The following MCTP1 variants were observed in gnomAD, a reference collection of about 807,000 sequenced individuals.
The protein encoded by MCTP1 is multiple C2 and transmembrane domain containing 1, also known as multiple C2 and transmembrane domain-containing protein 1.
MCTP1 carries 69 observed loss-of-function variants against 120.6 expected under a neutral mutation model. The observed-to-expected ratio is 0.57, with a 90% CI of 0.47 to 0.70. The LOEUF is 0.70. MCTP1 is among the 30% of genes least tolerant of loss of function. MCTP1 has a pLI of 0.00. For missense variants in MCTP1, 1,203 were observed against 1,248.8 expected (o/e 0.96, Z 0.55); for synonymous variants, 529 against 493.1 (o/e 1.07, Z -0.96).
intron 19 of MCTP1, among the ~76,000 whole-genome samples, chr5:94,767,226 T>C (rs969287526): frequency 6.6e-6 from 1 of 152,138 alleles, no homozygotes; most frequent in African/African-American, 2.4e-5. Flanking sequence ...ATCTCTTTAT[T>C]ATACAAACTC....
intron 1 of MCTP1, among the ~76,000 whole-genome samples, chr5:95,033,650 C>T (rs1344287388): frequency 6.6e-6 from 1 of 152,020 alleles, no homozygotes. Flanking sequence ...AGAAGCATTT[C>T]CCCTACAAAC....
chr5:95,237,198 G>C (rs1258755647), intron 1 of MCTP1, among the ~76,000 whole-genome samples: 1 of 152,110 alleles, frequency 6.6e-6, no homozygotes, highest in African/African-American at 2.4e-5. Context: ...CCATGGCATA[G>C]ACAGTCTGGA....
At chr5:94,808,646 G>T (rs535348446) in intron 17 of MCTP1, among the ~76,000 whole-genome samples, 1 of 152,154 alleles carries the variant, frequency 6.6e-6, no homozygotes, top group Admixed American at 6.5e-5. Context: ...TGTTTCTTAT[G>T]TGTAGAGGAA....
rs538218630 is a variant in MCTP1 at position 94,874,003 on chromosome 5, T to G, written c.1934-762A>C. Among the ~76,000 whole-genome samples the G allele has an allele frequency of 3.9e-5, 6 of 152,162 alleles. No homozygotes were observed. The South Asian group carries it at 1.2e-3, about 31-fold the overall frequency. On this transcript the variant is annotated intron_variant, in intron 12 of 22. Transcript: ENST00000515393. ...ACATTTTGTGAAGTCCTTAATATTT[T>G]TGTAATGTTATGCCCTGTATTATAA...
intron 18 of MCTP1, among the ~76,000 whole-genome samples, chr5:94,796,400 A>C (rs956053537): frequency 6.6e-6 from 1 of 151,782 alleles, no homozygotes; most frequent in Non-Finnish European, 1.5e-5. Context: ...GATCCTGTAA[A>C]GTTTTCACAC....
chr5:95,257,142 C>G (rs901097890), intron 1 of MCTP1, among the ~76,000 whole-genome samples: 1 of 152,072 alleles, frequency 6.6e-6, no homozygotes, highest in Non-Finnish European at 1.5e-5. Context: ...GGACATTTAA[C>G]AATATTGTGG....
chr5:94,866,743 T>C (rs1373407460), intron 17 of MCTP1, among the ~76,000 whole-genome samples: 1 of 150,822 alleles, frequency 6.6e-6, no homozygotes, highest in African/African-American at 2.5e-5. Flanking sequence ...TTCCAGTGCC[T>C]GAGTTTTTTT....
chr5:94,899,509 T>A (rs1464430921), intron 10 of MCTP1, among the ~76,000 whole-genome samples: 1 of 152,236 alleles, frequency 6.6e-6, no homozygotes, highest in Admixed American at 6.5e-5. Flanking sequence ...CTTTTGAGTT[T>A]CTGGCTTCTA....
chr5:95,041,671 T>C (rs1218703545), intron 1 of MCTP1, among the ~76,000 whole-genome samples: 1 of 152,174 alleles, frequency 6.6e-6, no homozygotes, highest in Non-Finnish European at 1.5e-5. Flanking sequence ...GTTCAACATA[T>C]ATAAAACTCT....
At chr5:94,967,562 A>G (rs919620014) in intron 2 of MCTP1, among the ~76,000 whole-genome samples, 2 of 152,202 alleles carry the variant, frequency 1.3e-5, no homozygotes, top group African/African-American at 4.8e-5. Context: ...CAATGGCTTG[A>G]AGAAGTAAAA....
intron 18 of MCTP1, among the ~76,000 whole-genome samples, chr5:94,796,354 T>C (rs1484419451): frequency 6.6e-6 from 1 of 151,880 alleles, no homozygotes; most frequent in Non-Finnish European, 1.5e-5. Context: ...TTTCCTGGTT[T>C]GGAATCAGCC....
At chr5:94,712,243 A>AAT (rs907535631) in intron 20 of MCTP1, among the ~76,000 whole-genome samples, 5 of 152,130 alleles carry the variant, frequency 3.3e-5, no homozygotes, top group African/African-American at 1.2e-4. Context: ...TGTTTATGTG[A>AAT]ATCAAGATGA....
chr5:94,725,328 T>C (rs1353959727), intron 19 of MCTP1, among the ~76,000 whole-genome samples: 1 of 152,204 alleles, frequency 6.6e-6, no homozygotes, highest in Admixed American at 6.5e-5. Flanking sequence ...TATTTGAGAA[T>C]AGTTGGTGGG....
At chr5:94,719,943 G>A (rs1561525025) in intron 19 of MCTP1, among the ~76,000 whole-genome samples, 1 of 151,932 alleles carries the variant, frequency 6.6e-6, no homozygotes, top group Non-Finnish European at 1.5e-5. Context: ...CAGCCTCAAC[G>A]TGGAGAAACC....
intron 5 of MCTP1, among the ~76,000 whole-genome samples, chr5:94,935,930 T>C: frequency 6.6e-6 from 1 of 152,100 alleles, no homozygotes; most frequent in East Asian, 1.9e-4. Flanking sequence ...ATGCTATGTT[T>C]TTTAGATATC....
At chr5:94,993,429 C>CT (rs751939052) in intron 2 of MCTP1, among the ~76,000 whole-genome samples, 14 of 152,244 alleles carry the variant, frequency 9.2e-5, no homozygotes, top group Non-Finnish European at 1.8e-4. Context: ...GATAATGTCT[C>CT]TTTTTTTCCC....
chr5:94,935,601 A>G (rs1234439851), intron 5 of MCTP1, among the ~76,000 whole-genome samples: 1 of 152,188 alleles, frequency 6.6e-6, no homozygotes, highest in East Asian at 1.9e-4. Context: ...TACATATAAA[A>G]TATTTAGCAA....
At chr5:95,222,528 G>A (rs770231715) in intron 1 of MCTP1, among the ~76,000 whole-genome samples, 10 of 152,184 alleles carry the variant, frequency 6.6e-5, no homozygotes, top group Non-Finnish European at 1.3e-4. Flanking sequence ...CAGTTTACTT[G>A]AGTTTGATAT....
At chr5:94,817,185 A>G (rs1784629011) in intron 17 of MCTP1, among the ~76,000 whole-genome samples, 2 of 152,116 alleles carry the variant, frequency 1.3e-5, no homozygotes, top group African/African-American at 2.4e-5. Flanking sequence ...CAGGCGGATC[A>G]CGAGGTCAGG....
Sources: gnomAD v4.1 joint callset for allele counts (sites outside exome capture counted in the v4.1 genomes callset) on GRCh38, gnomAD v4.1.1 for gene constraint, MANE v1.5 for transcripts, NCBI Gene and HGNC (gene_info 2026-07-23, HGNC 2026-07-21) for gene names.